FAR2: variants seen among roughly 807,000 people sequenced by gnomAD.
The protein encoded by FAR2 is epididymis secretory protein Li 81.
Under a neutral mutation model 56.0 loss-of-function variants are expected in FAR2, and 19 were observed. The observed-to-expected ratio is 0.34, with a 90% CI of 0.24 to 0.50. FAR2 has a LOEUF of 0.50. Among genes scored for constraint, FAR2 ranks in the 20% least tolerant of loss-of-function variants. The pLI is 0.98. For synonymous variants in FAR2, 219 were observed against 218.8 expected (o/e 1.00, Z -0.01); for missense variants, 508 against 642.2 (o/e 0.79, Z 2.26).
At chr12:29,280,274 T>A (rs1224324256) in intron 2 of FAR2, 1 of 152,224 alleles carries the variant, frequency 6.6e-6, no homozygotes, top group Admixed American at 6.5e-5. Context: ...CCCAGGTATG[T>A]TATTTTGTTC....
At chr12:29,282,791 G>A (rs1948808574) in intron 2 of FAR2, among the ~76,000 whole-genome samples, 1 of 152,094 alleles carries the variant, frequency 6.6e-6, no homozygotes, top group Non-Finnish European at 1.5e-5. Context: ...TGCTGTCAAA[G>A]AGAAACTATT....
rs73065559 is a variant in FAR2 at position 29,332,904 on chromosome 12, A to G, written c.1385+177A>G. On this transcript the variant is annotated intron_variant, in intron 11 of 11. Coordinates refer to ENST00000536681, the MANE Select transcript of FAR2 (RefSeq NM_001271783.2). ...TTCATTTAGACTTCACCACACCTCT[A>G]TGAGGCAAGTATTACTTTTGTTACC... 3.3e-3 allele frequency: 2,264 copies of G among 696,090 alleles called. 23 individuals carry two copies. Among genetic ancestry groups the G allele is most frequent in the Middle Eastern group, 0.014 (50 of 3,452 alleles). The allele number at this position is 696,090 out of a possible 1,614,324, so 43.1% of individuals were successfully genotyped here. A position where few individuals can be genotyped will look rare whatever the true frequency, so the allele number is the denominator to read the frequency against.
At chr12:29,217,423 C>G (rs1435177956) in intron 1 of FAR2, among the ~76,000 whole-genome samples, 2 of 152,204 alleles carry the variant, frequency 1.3e-5, no homozygotes, top group African/African-American at 4.8e-5. Flanking sequence ...CCCCATGGGA[C>G]TTTTGCTGAG....
At chr12:29,284,933 C>A (rs1211523988) in intron 2 of FAR2, among the ~76,000 whole-genome samples, 9 of 152,136 alleles carry the variant, frequency 5.9e-5, no homozygotes, top group Admixed American at 5.9e-4. Flanking sequence ...GCTCCACCTC[C>A]CGGGTTCACG....
At chr12:29,210,337 A>T (rs1947530172) in intron 1 of FAR2, among the ~76,000 whole-genome samples, 1 of 152,178 alleles carries the variant, frequency 6.6e-6, no homozygotes, top group South Asian at 2.1e-4. Context: ...GGTAACAGAA[A>T]CTCAAAAATA....
chr12:29,186,827 C>T (rs1034077824), intron 1 of FAR2, among the ~76,000 whole-genome samples: 3 of 151,946 alleles, frequency 2.0e-5, no homozygotes, highest in South Asian at 2.1e-4. Flanking sequence ...CTCGCTCTGT[C>T]GCCCAGGCTG....
At chr12:29,307,410 TACCTA>T (rs1949269425) in intron 4 of FAR2, among the ~76,000 whole-genome samples, 1 of 112,148 alleles carries the variant, frequency 8.9e-6, no homozygotes, top group South Asian at 2.7e-4. Flanking sequence ...CCTGCCTGCC[TACCTA>T]CCTACCTACC....
chr12:29,275,637 A>T (rs1363017584), intron 2 of FAR2, among the ~76,000 whole-genome samples: 1 of 152,150 alleles, frequency 6.6e-6, no homozygotes, highest in Non-Finnish European at 1.5e-5. Flanking sequence ...CCCTGCTTCT[A>T]GTAGGCCATC....
chr12:29,170,041 G>T (rs1195133042), intron 1 of FAR2, among the ~76,000 whole-genome samples: 1 of 152,146 alleles, frequency 6.6e-6, no homozygotes, highest in African/African-American at 2.4e-5. Flanking sequence ...ATTATTCTTT[G>T]CTATTAATAA....
At chr12:29,244,720 A>C (rs1346702265) in intron 1 of FAR2, among the ~76,000 whole-genome samples, 1 of 152,206 alleles carries the variant, frequency 6.6e-6, no homozygotes, top group African/African-American at 2.4e-5. Flanking sequence ...ATGATATGAA[A>C]TCGATGATGA....
At chr12:29,231,899 A>G (rs1362502384) in intron 1 of FAR2, among the ~76,000 whole-genome samples, 1 of 152,228 alleles carries the variant, frequency 6.6e-6, no homozygotes, top group Non-Finnish European at 1.5e-5. Flanking sequence ...AGAGGTTGCA[A>G]CAGGACAGTA....
chr12:29,150,732 C>A (rs772446512), intron 1 of FAR2, among the ~76,000 whole-genome samples: 1 of 152,194 alleles, frequency 6.6e-6, no homozygotes. Context: ...AATATTTCAT[C>A]GGTAGTATTT....
chr12:29,308,137 T>C (rs1472861605), intron 5 of FAR2: 2 of 236,008 alleles, frequency 8.5e-6, no homozygotes, highest in Middle Eastern at 1.5e-3. Flanking sequence ...TTTCCTACTA[T>C]AGTTTAAGCA....
rs147374018 is a variant in FAR2, at chr12:29,182,380, A to G, written c.-39+32973A>G. ...TAGAGTGCTGACTGGTGCATTTACAATCCTTTAGCTAGACACAGAGTGCTG... is the reference window on the plus strand; with the variant it reads ...TAGAGTGCTGACTGGTGCATTTACAGTCCTTTAGCTAGACACAGAGTGCTG... On this transcript the variant is annotated intron_variant, in intron 1 of 11. Coordinates refer to ENST00000536681, the MANE Select transcript of FAR2 (RefSeq NM_001271783.2). Among the ~76,000 whole-genome samples, 266 of 152,196 alleles carry G rather than the reference A, an allele frequency of 1.7e-3. 2 individuals carry two copies. The highest frequency in any genetic ancestry group is 6.2e-3 in the African/African-American group (258 of 41,532).
intron 11 of FAR2, 99 bp downstream of exon 11, chr12:29,332,826 A>C: frequency 8.6e-7 from 1 of 1,167,362 alleles, no homozygotes. Flanking sequence ...ACATTTCTTG[A>C]GCATTTACTA....
intron 1 of FAR2, among the ~76,000 whole-genome samples, chr12:29,264,664 A>ATAAAT (rs1948482569): frequency 5.9e-5 from 3 of 50,964 alleles, no homozygotes; most frequent in African/African-American, 4.7e-4. Flanking sequence ...AATAAAGGAG[A>ATAAAT]GAGAGAGAGA....
chr12:29,264,691 G>A (rs1011788409), intron 1 of FAR2, among the ~76,000 whole-genome samples: 5 of 149,768 alleles, frequency 3.3e-5, no homozygotes, highest in Non-Finnish European at 7.4e-5. Context: ...GAGGGAGAGG[G>A]AGAAAGAGAG....
At chr12:29,319,054 G>T (rs1386601385) in intron 9 of FAR2, among the ~76,000 whole-genome samples, 6 of 151,454 alleles carry the variant, frequency 4.0e-5, no homozygotes, top group African/African-American at 1.5e-4. Context: ...GCAGTGGCGA[G>T]ATCTCAGCGC....
intron 1 of FAR2, among the ~76,000 whole-genome samples, chr12:29,215,119 T>C (rs931429820): frequency 6.6e-6 from 1 of 152,160 alleles, no homozygotes; most frequent in Non-Finnish European, 1.5e-5. Context: ...ACCTACAGTG[T>C]AGTCATGAGA....
Sources: allele counts gnomAD v4.1 joint callset (sites outside exome capture counted in the v4.1 genomes callset), GRCh38; gene constraint gnomAD v4.1.1; transcripts MANE v1.5; gene names NCBI Gene and HGNC (gene_info 2026-07-23, HGNC 2026-07-21).